Variants in MGST1 observed in about 807,000 individuals in gnomAD.
The protein encoded by MGST1 is glutathione S-transferase 12.
Under a neutral mutation model 8.9 loss-of-function variants are expected in MGST1, and 5 were observed. That is an observed-to-expected ratio of 0.56 (90% CI 0.29 to 1.19). The LOEUF is 1.19. Among genes scored for constraint, MGST1 ranks in the 50% most tolerant of loss-of-function variants. MGST1 has a pLI of 0.08. For missense variants in MGST1, 182 were observed against 187.4 expected (o/e 0.97, Z 0.17); for synonymous variants, 54 against 67.8 (o/e 0.80, Z 1.00).
chr12:16,368,380 G>A (rs1428668446), downstream of MGST1, among the ~76,000 whole-genome samples: 2 of 152,164 alleles, frequency 1.3e-5, no homozygotes, highest in Non-Finnish European at 2.9e-5. Flanking sequence ...GAGGCAGATG[G>A]TGAGAAGTGA....
intron 4 of MGST1, among the ~76,000 whole-genome samples, chr12:16,558,550 C>A (rs577644241): frequency 6.6e-6 from 1 of 152,046 alleles, no homozygotes; most frequent in African/African-American, 2.4e-5. Flanking sequence ...ATATCCTTAT[C>A]CCTACCAAAA....
intron 1 of MGST1, among the ~76,000 whole-genome samples, chr12:16,405,803 G>C (rs948218463): frequency 6.6e-6 from 1 of 152,014 alleles, no homozygotes; most frequent in African/African-American, 2.4e-5. Context: ...CAAAACTAAA[G>C]ACAAAAACAG....
chr12:16,412,144 C>T (rs1362713703), intron 1 of MGST1, among the ~76,000 whole-genome samples: 1 of 152,200 alleles, frequency 6.6e-6, no homozygotes, highest in South Asian at 2.1e-4. Flanking sequence ...TGGATAGTTT[C>T]CTCTTATAGA....
intron 4 of MGST1, among the ~76,000 whole-genome samples, chr12:16,564,453 C>A (rs766126097): frequency 1.3e-5 from 2 of 152,180 alleles, no homozygotes; most frequent in African/African-American, 2.4e-5. Context: ...AACGTTCCTG[C>A]GGACTGGGGG....
intron 1 of MGST1, among the ~76,000 whole-genome samples, chr12:16,420,981 G>A (rs967384095): frequency 1.4e-4 from 22 of 152,112 alleles, no homozygotes; most frequent in South Asian, 4.1e-4. Context: ...ACACAGCACC[G>A]TCTCTGCAAT....
rs1365140348 is a variant in MGST1 at position 16,489,758 on chromosome 12, C to T, written n.483-99770C>T. ...TTTAAAAGTGCTGTTTATGTCTCTT[C>T]CTTCCTCTCTTGATAAAGAATCACC... On this transcript the variant is annotated intron_variant and non_coding_transcript_variant, in intron 4 of 4. Coordinates refer to the MGST1 transcript ENST00000538857. Among the ~76,000 whole-genome samples the T allele has an allele frequency of 5.3e-5, 8 of 152,242 alleles. No homozygotes were observed. The East Asian group carries it at 1.5e-3, about 29-fold the overall frequency.
chr12:16,546,447 T>C lies in MGST1; in HGVS notation n.483-43081T>C, dbSNP rs1941824362. Among the ~76,000 whole-genome samples the C allele has an allele frequency of 6.6e-6, 1 of 152,094 alleles. No individual in the cohort carries two copies. Among genetic ancestry groups the C allele is most frequent in the Admixed American group, 6.6e-5 (1 of 15,264 alleles). On this transcript the variant is annotated intron_variant and non_coding_transcript_variant, in intron 4 of 4. Transcript: ENST00000538857. The surrounding 1 kb of genome is among the most constrained non-coding windows in gnomAD (Gnocchi z 4.7). Reference sequence around the variant, plus strand: ...GTGTAAAAAGTGCAGAGAATTCCAATTCACTTTTGAATGTAATGATCTGAA... The same window carrying C: ...GTGTAAAAAGTGCAGAGAATTCCAACTCACTTTTGAATGTAATGATCTGAA...
At chr12:16,380,215 T>C (rs2137038681), downstream of MGST1, among the ~76,000 whole-genome samples, 1 of 152,316 alleles carries the variant, frequency 6.6e-6, no homozygotes. Context: ...GCTTTTCTAG[T>C]TCTTTTAATT....
chr12:16,592,900 A>C (rs1255040819), downstream of MGST1, among the ~76,000 whole-genome samples: 1 of 152,026 alleles, frequency 6.6e-6, no homozygotes, highest in East Asian at 1.9e-4. Context: ...TCTCTGTTAG[A>C]ACTGCTAAAA....
chr12:16,514,697 A>G (rs1941600583), intron 4 of MGST1, among the ~76,000 whole-genome samples: 1 of 151,546 alleles, frequency 6.6e-6, no homozygotes, highest in African/African-American at 2.4e-5. Flanking sequence ...AACCAGAGAC[A>G]ACCTTTCTGT....
chr12:16,364,066 A>G lies in MGST1; in HGVS notation c.*25A>G. 6.4e-7 allele frequency: 1 copy of G among 1,563,420 alleles called. No homozygotes were observed. Among genetic ancestry groups the G allele is most frequent in the African/African-American group, 1.4e-5 (1 of 73,134 alleles). On this transcript the variant is annotated 3_prime_UTR_variant, in exon 4 of 4. Coordinates refer to ENST00000396210, the MANE Select transcript of MGST1 (RefSeq NM_020300.5). The surrounding 1 kb of genome is among the most constrained non-coding windows in gnomAD (Gnocchi z 5.7). The stretch of plus-strand genomic sequence containing the variant: ...AAGAAAATCATACAACTCAGCATCC[A>G]GTTGGCTTTTTAAGAATTCTGTACT...
At chr12:16,524,978 C>A (rs1941673553) in intron 4 of MGST1, among the ~76,000 whole-genome samples, 1 of 151,842 alleles carries the variant, frequency 6.6e-6, no homozygotes, top group Non-Finnish European at 1.5e-5. Flanking sequence ...ACTGTTATTG[C>A]CTTTATCTTA....
chr12:16,445,095 C>T (rs978917877), intron 4 of MGST1, among the ~76,000 whole-genome samples: 5 of 151,684 alleles, frequency 3.3e-5, no homozygotes, highest in South Asian at 2.1e-4. Flanking sequence ...ATTTTTTGTA[C>T]AGCATCCTGG....
upstream of MGST1, among the ~76,000 whole-genome samples, chr12:16,347,405 G>A (rs1049658479): frequency 1.3e-5 from 2 of 152,126 alleles, no homozygotes; most frequent in Non-Finnish European, 2.9e-5. This position sits in a 1 kb window ranked among gnomAD's most constrained non-coding sequence, Gnocchi z 4.0. Context: ...CCTAGACAAT[G>A]GCTACTGTCC....
At chr12:16,424,834 C>T (rs1324028001) in intron 1 of MGST1, among the ~76,000 whole-genome samples, 1 of 152,142 alleles carries the variant, frequency 6.6e-6, no homozygotes, top group Non-Finnish European at 1.5e-5. Flanking sequence ...ATATTTTTGT[C>T]TCCTCTGTTT....
intron 4 of MGST1, among the ~76,000 whole-genome samples, chr12:16,510,922 T>C (rs538494177): frequency 6.6e-6 from 1 of 152,296 alleles, no homozygotes; most frequent in South Asian, 2.1e-4. Context: ...TCTTTTGTAA[T>C]GGAGAATGCT....
At chr12:16,534,858 G>A (rs537658890) in intron 4 of MGST1, among the ~76,000 whole-genome samples, 1 of 152,242 alleles carries the variant, frequency 6.6e-6, no homozygotes, top group Non-Finnish European at 1.5e-5. Context: ...TATTCTCCCA[G>A]GCCTTGTAAG....
In MGST1 at chr12:16,482,816, T is replaced by A. The variant is rs1254424706; in HGVS notation, n.482+99212T>A. 6.6e-6 allele frequency among the ~76,000 whole-genome samples: 1 copy of A among 152,120 alleles called. No individual in the cohort carries two copies. The highest frequency in any genetic ancestry group is 1.5e-5 in the Non-Finnish European group (1 of 68,010). On this transcript the variant is annotated intron_variant and non_coding_transcript_variant, in intron 4 of 4. Transcript: ENST00000538857. The surrounding 1 kb of genome is among the most constrained non-coding windows in gnomAD (Gnocchi z 4.2). The stretch of plus-strand genomic sequence containing the variant: ...CAGAGACCTTACCCAGTGTCAAGCT[T>A]GACTAATCATTTCAAGGATTCAGCA...
intron 1 of MGST1, chr12:16,437,316 A>G (rs1380898558): frequency 6.6e-6 from 1 of 151,962 alleles, no homozygotes; most frequent in Non-Finnish European, 1.5e-5. Flanking sequence ...ATTGTCAAAA[A>G]GGAGAGACTG....
Sources: allele counts gnomAD v4.1 joint callset (sites outside exome capture counted in the v4.1 genomes callset), GRCh38; gene constraint gnomAD v4.1.1; non-coding constraint Gnocchi (gnomAD v3.1); transcripts MANE v1.5; gene names NCBI Gene and HGNC (gene_info 2026-07-23, HGNC 2026-07-21).